CACNA2D3: variants seen among roughly 807,000 people sequenced by gnomAD.
CACNA2D3 encodes calcium voltage-gated channel auxiliary subunit alpha2delta 3.
In CACNA2D3, 60 loss-of-function variants were observed where a neutral mutation model predicts 160.6. The observed-to-expected ratio is 0.37, with a 90% CI of 0.30 to 0.46. The LOEUF is 0.46. Among genes scored for constraint, CACNA2D3 ranks in the 20% least tolerant of loss-of-function variants. The pLI is 1.00. For missense variants in CACNA2D3, 1,205 were observed against 1,365.0 expected, an observed-to-expected ratio of 0.88 and a Z score of 1.85; for synonymous variants, 558 against 492.9, an observed-to-expected ratio of 1.13 and a Z score of -1.75.
rs911948683 is a variant in CACNA2D3, at chr3:54,994,450, A to G, written c.2690+6697A>G. Among the ~76,000 whole-genome samples the G allele has an allele frequency of 2.0e-5, 3 of 152,190 alleles. No homozygotes were observed. The East Asian group carries it at 5.8e-4, about 29-fold the overall frequency. On this transcript the variant is annotated intron_variant, in intron 31 of 37. Coordinates refer to ENST00000474759, the MANE Select transcript of CACNA2D3 (RefSeq NM_018398.3). ...TGTCAGAGGTGGCATTGAAGGGAAC[A>G]AGGAGACAGATTGGTTTGGACAAGT...
intron 3 of CACNA2D3, 25 bp from the exon 4 acceptor site, chr3:54,386,690 T>C: frequency 1.3e-6 from 2 of 1,506,342 alleles, no homozygotes; most frequent in South Asian, 1.2e-5. Context: ...TAATGCTGTC[T>C]TCTGTTTTTT....
chr3:54,891,081 T>C (rs745946757), intron 24 of CACNA2D3, among the ~76,000 whole-genome samples: 9 of 152,164 alleles, frequency 5.9e-5, no homozygotes, highest in Non-Finnish European at 1.0e-4. Context: ...GAAGTAGATT[T>C]TTTTCACATG....
At chr3:55,056,428 G>A (rs541738110) in intron 35 of CACNA2D3, among the ~76,000 whole-genome samples, 4 of 152,184 alleles carry the variant, frequency 2.6e-5, no homozygotes, top group East Asian at 1.9e-4. Flanking sequence ...TAGAATTACC[G>A]TAAGTTGTAG....
chr3:54,426,378 A>G (rs1699912574), intron 4 of CACNA2D3, among the ~76,000 whole-genome samples: 1 of 152,200 alleles, frequency 6.6e-6, no homozygotes, highest in Admixed American at 6.5e-5. Flanking sequence ...GAGATGTGTC[A>G]TAATATTTGC....
intron 2 of CACNA2D3, among the ~76,000 whole-genome samples, chr3:54,235,403 A>T (rs549265890): frequency 1.1e-4 from 17 of 152,320 alleles, no homozygotes; most frequent in Admixed American, 1.0e-3. Flanking sequence ...TCACAGCAGA[A>T]GGCAAAGGGG....
chr3:54,944,813 G>GT (rs1347525277), intron 27 of CACNA2D3, among the ~76,000 whole-genome samples: 2,129 of 107,606 alleles, frequency 0.02, 43 homozygotes, highest in African/African-American at 0.092. Context: ...TTAGAGCTGG[G>GT]GGTGTGTGTG....
rs184531337 is a variant in CACNA2D3, at chr3:54,685,762, C to G, written c.1167+43521C>G. On this transcript the variant is annotated intron_variant, in intron 11 of 37. Coordinates refer to ENST00000474759, the MANE Select transcript of CACNA2D3 (RefSeq NM_018398.3). ...CAGGAAGACTTCTTGTTCATAGAGACCACCCCTGGTCATTTTGTGTTTTGG... is the reference window on the plus strand; with the variant it reads ...CAGGAAGACTTCTTGTTCATAGAGAGCACCCCTGGTCATTTTGTGTTTTGG... Among the ~76,000 whole-genome samples the G allele has an allele frequency of 2.0e-3, 297 of 152,300 alleles. 1 individual carries two copies. Among genetic ancestry groups the G allele is most frequent in the African/African-American group, 6.5e-3 (270 of 41,584 alleles).
chr3:54,752,318 C>A (rs1472951021), intron 11 of CACNA2D3, among the ~76,000 whole-genome samples: 1 of 152,174 alleles, frequency 6.6e-6, no homozygotes, highest in Non-Finnish European at 1.5e-5. Flanking sequence ...CAAGCCCAGG[C>A]CTGTGAGGCT....
At chr3:54,166,998 T>C (rs377693993) in intron 2 of CACNA2D3, among the ~76,000 whole-genome samples, 3 of 152,174 alleles carry the variant, frequency 2.0e-5, no homozygotes, top group African/African-American at 4.8e-5. Flanking sequence ...CGTAAAAACG[T>C]CTTGTGAGAT....
At chr3:54,831,805 T>C (rs1703884085) in intron 14 of CACNA2D3, among the ~76,000 whole-genome samples, 1 of 152,130 alleles carries the variant, frequency 6.6e-6, no homozygotes, top group South Asian at 2.1e-4. Context: ...AGGTCATTTA[T>C]GGCCCAGATT....
chr3:54,369,248 AAATAATTT>A (rs1698880717), intron 3 of CACNA2D3, among the ~76,000 whole-genome samples: 1 of 151,940 alleles, frequency 6.6e-6, no homozygotes, highest in African/African-American at 2.4e-5. Flanking sequence ...AAAACTTGTA[AAATAATTT>A]AATGACACAA....
chr3:54,384,407 G>T (rs1559466826), intron 3 of CACNA2D3, among the ~76,000 whole-genome samples: 3 of 152,104 alleles, frequency 2.0e-5, no homozygotes, highest in Admixed American at 6.5e-5. Flanking sequence ...CTGTTACAAA[G>T]ATTAAGAGAA....
chr3:54,423,211 G>A (rs571535236), intron 4 of CACNA2D3, among the ~76,000 whole-genome samples: 6 of 152,228 alleles, frequency 3.9e-5, no homozygotes, highest in East Asian at 1.9e-4. Flanking sequence ...GGGATCAAAG[G>A]GGATATGTGC....
chr3:54,194,703 G>A (rs747153272), intron 2 of CACNA2D3, among the ~76,000 whole-genome samples: 58 of 152,338 alleles, frequency 3.8e-4, no homozygotes, highest in Non-Finnish European at 6.0e-4. Flanking sequence ...GTGAAGATGC[G>A]TTCCTCATAG....
rs572261860 is a variant in CACNA2D3 at position 55,071,945 on chromosome 3, A to G, written c.2988-1500A>G. Among the ~76,000 whole-genome samples, 4 of 152,336 alleles carry G rather than the reference A, an allele frequency of 2.6e-5. No individual in the cohort carries two copies. The East Asian group carries it at 7.7e-4, about 29-fold the overall frequency. On this transcript the variant is annotated intron_variant, in intron 35 of 37. Coordinates refer to ENST00000474759, the MANE Select transcript of CACNA2D3 (RefSeq NM_018398.3). The stretch of plus-strand genomic sequence containing the variant: ...GGTGGAAATTGTTGGTTCTCTGATG[A>G]GAGCTAGCTATCTCAGGTAGAATAT...
intron 4 of CACNA2D3, among the ~76,000 whole-genome samples, chr3:54,493,222 C>G (rs912256025): frequency 1.3e-5 from 2 of 151,634 alleles, no homozygotes; most frequent in Non-Finnish European, 2.9e-5. Context: ...GGACTACAGG[C>G]GCACACTACC....
intron 3 of CACNA2D3, among the ~76,000 whole-genome samples, chr3:54,363,506 G>A (rs1368822723): frequency 1.3e-5 from 2 of 151,994 alleles, no homozygotes; most frequent in African/African-American, 4.8e-5. Context: ...AACTTCTTCT[G>A]GTCAGTTCAT....
At chr3:54,949,725 T>C (rs571231186) in intron 27 of CACNA2D3, among the ~76,000 whole-genome samples, 9 of 152,324 alleles carry the variant, frequency 5.9e-5, no homozygotes, top group African/African-American at 2.2e-4. Flanking sequence ...GAACTGGTTT[T>C]GCAGGGGCAC....
chr3:55,022,994 A>G (rs140214683), intron 35 of CACNA2D3, among the ~76,000 whole-genome samples: 112 of 152,178 alleles, frequency 7.4e-4, no homozygotes, highest in African/African-American at 2.6e-3. Flanking sequence ...TTACTCTTTA[A>G]TTTAAAAAAA....
Sources: allele counts gnomAD v4.1 joint callset (sites outside exome capture counted in the v4.1 genomes callset), GRCh38; gene constraint gnomAD v4.1.1; transcripts MANE v1.5; gene names NCBI Gene and HGNC (gene_info 2026-07-23, HGNC 2026-07-21).